Variants in ACYP2 observed in about 807,000 individuals in gnomAD.
ACYP2 encodes acylphosphatase-2.
ACYP2 carries 12 observed loss-of-function variants against 11.2 expected under a neutral mutation model. The observed-to-expected ratio is 1.08, with a 90% CI of 0.69 to 1.74. The LOEUF (loss-of-function observed/expected upper bound fraction) is 1.74, where lower values mean the gene tolerates loss of function less well. Ranked by LOEUF, ACYP2 falls within the 40% of genes most tolerant of loss-of-function variation. The pLI is 0.00. For missense variants in ACYP2, 134 were observed against 101.9 expected (o/e 1.31, Z -1.35); for synonymous variants, 43 against 32.2 (o/e 1.33, Z -1.13).
intron 6 of ACYP2, among the ~76,000 whole-genome samples, chr2:54,196,852 T>A (rs1684502814): frequency 6.6e-6 from 1 of 152,226 alleles, no homozygotes; most frequent in Non-Finnish European, 1.5e-5. Context: ...CCTGTGAAAG[T>A]GTATCATGGT....
At chr2:54,114,184 C>G (rs534286297) in intron 4 of ACYP2, among the ~76,000 whole-genome samples, 1 of 152,156 alleles carries the variant, frequency 6.6e-6, no homozygotes, top group Admixed American at 6.5e-5. Flanking sequence ...TTGAGGCCAA[C>G]AAATAGAGAA....
At chr2:54,289,385 A>G (rs1689208798) in intron 6 of ACYP2, among the ~76,000 whole-genome samples, 1 of 151,980 alleles carries the variant, frequency 6.6e-6, no homozygotes, top group African/African-American at 2.4e-5. Flanking sequence ...ATTTTTTGTT[A>G]CTAGGGTGAC....
At chr2:54,024,883 G>A (rs949246706) in intron 2 of ACYP2, among the ~76,000 whole-genome samples, 58 of 152,150 alleles carry the variant, frequency 3.8e-4, no homozygotes, top group African/African-American at 1.3e-3. Context: ...AGTGAATTCA[G>A]TAAAGCTTCA....
intron 4 of ACYP2, chr2:54,065,658 T>C: frequency 2.5e-6 from 1 of 396,514 alleles, no homozygotes; most frequent in Non-Finnish European, 4.4e-6. Flanking sequence ...TTGCCATCTG[T>C]CACGCATGGG....
chr2:53,979,986 C>T (rs191428095), intron 2 of ACYP2, among the ~76,000 whole-genome samples: 26 of 152,202 alleles, frequency 1.7e-4, no homozygotes, highest in African/African-American at 6.3e-4. Flanking sequence ...GCCACCACAC[C>T]TGGCCGAATG....
intron 6 of ACYP2, among the ~76,000 whole-genome samples, chr2:54,209,571 G>A (rs1174308569): frequency 6.6e-6 from 1 of 152,124 alleles, no homozygotes; most frequent in African/African-American, 2.4e-5. Flanking sequence ...ACCTGGAATG[G>A]TTCATTCCTT....
intron 6 of ACYP2, chr2:54,253,292 C>G (rs1336172823): frequency 6.6e-6 from 1 of 152,102 alleles, no homozygotes; most frequent in Non-Finnish European, 1.5e-5. Context: ...TTAACAGAAA[C>G]AAGAACAGGC....
intron 6 of ACYP2, among the ~76,000 whole-genome samples, chr2:54,237,658 T>C (rs754404571): frequency 4.6e-5 from 7 of 152,228 alleles, no homozygotes; most frequent in Non-Finnish European, 1.0e-4. Flanking sequence ...TGTTAATCTG[T>C]CTTTTCTCTC....
At chr2:54,099,709 T>A (rs1678790052) in intron 4 of ACYP2, among the ~76,000 whole-genome samples, 1 of 152,054 alleles carries the variant, frequency 6.6e-6, no homozygotes, top group Admixed American at 6.6e-5. Flanking sequence ...CTTTTATTTA[T>A]TTTTTTTAGC....
chr2:54,202,729 T>C (rs1684905278), intron 6 of ACYP2, among the ~76,000 whole-genome samples: 1 of 119,118 alleles, frequency 8.4e-6, no homozygotes, highest in East Asian at 2.4e-4. Flanking sequence ...TTTTTTTTTT[T>C]TTTTTTTTTT....
rs143864047 is a variant in ACYP2 at position 54,251,773 on chromosome 2, G to C, written c.405-52915G>C. ...GAGATTATGTCCCTTAGAGAGCAAAGAACAGGTTTACTTACTATTCGGTAT... is the reference window on the plus strand; with the variant it reads ...GAGATTATGTCCCTTAGAGAGCAAACAACAGGTTTACTTACTATTCGGTAT... On this transcript the variant is annotated intron_variant, in intron 6 of 6. Transcript: ENST00000607452. 4.8e-3 allele frequency among the ~76,000 whole-genome samples: 736 copies of C among 152,320 alleles called. 11 individuals carry two copies. Among genetic ancestry groups the C allele is most frequent in the African/African-American group, 0.017 (701 of 41,576 alleles).
chr2:54,230,668 A>G lies in ACYP2; in HGVS notation c.405-74020A>G, dbSNP rs371486590. The stretch of plus-strand genomic sequence containing the variant: ...GGCATGAGCCACTGTGCCTGCCTCA[A>G]TCCTTTATCTTTAACCTGAACATTC... On this transcript the variant is annotated intron_variant, in intron 6 of 6. Transcript: ENST00000607452. Among the ~76,000 whole-genome samples the G allele has an allele frequency of 2.0e-5, 3 of 151,420 alleles. 1 individual carries two copies.
At chr2:54,119,383 C>T (rs1051203285) in intron 4 of ACYP2, among the ~76,000 whole-genome samples, 1 of 151,712 alleles carries the variant, frequency 6.6e-6, no homozygotes, top group Non-Finnish European at 1.5e-5. Context: ...TCTAAAGAAA[C>T]AATAAAATAA....
At chr2:54,175,849 G>C (rs768728113) in intron 6 of ACYP2, among the ~76,000 whole-genome samples, 16 of 152,076 alleles carry the variant, frequency 1.1e-4, no homozygotes, top group Non-Finnish European at 1.8e-4. Context: ...AAAATCATAT[G>C]TTGAAATCCG....
intron 2 of ACYP2, among the ~76,000 whole-genome samples, chr2:54,009,907 C>G (rs1673270428): frequency 6.6e-6 from 1 of 152,088 alleles, no homozygotes; most frequent in South Asian, 2.1e-4. Flanking sequence ...AATTCAGTAA[C>G]CTGTCCCTGG....
intron 4 of ACYP2, among the ~76,000 whole-genome samples, chr2:54,058,476 C>T (rs1676280177): frequency 6.6e-6 from 1 of 152,086 alleles, no homozygotes; most frequent in Non-Finnish European, 1.5e-5. Context: ...ACATATTTCC[C>T]TCTCCTGTCA....
intron 6 of ACYP2, among the ~76,000 whole-genome samples, chr2:54,168,483 C>T (rs186625227): frequency 3.3e-5 from 5 of 152,070 alleles, no homozygotes; most frequent in Admixed American, 3.3e-4. Context: ...TAATCTGCTA[C>T]ATCCAAATGT....
chr2:54,091,672 C>T (rs1170932155), intron 4 of ACYP2, among the ~76,000 whole-genome samples: 2 of 151,902 alleles, frequency 1.3e-5, no homozygotes, highest in African/African-American at 2.4e-5. Context: ...CCACCATGCC[C>T]GGCTAATTTG....
At chr2:54,109,293 A>C (rs1267873826) in intron 4 of ACYP2, among the ~76,000 whole-genome samples, 2 of 152,258 alleles carry the variant, frequency 1.3e-5, no homozygotes, top group Non-Finnish European at 2.9e-5. Context: ...TATCGTTCTA[A>C]GTGAAGTAAC....
Sources: gnomAD v4.1 joint callset for allele counts (sites outside exome capture counted in the v4.1 genomes callset) on GRCh38, gnomAD v4.1.1 for gene constraint, MANE v1.5 for transcripts, NCBI Gene and HGNC (gene_info 2026-07-23, HGNC 2026-07-21) for gene names.